The following GRID2 variants were observed in gnomAD, a reference collection of about 807,000 sequenced individuals.
GRID2 encodes the protein glutamate ionotropic receptor delta type subunit 2.
Under a neutral mutation model 114.8 loss-of-function variants are expected in GRID2, and 33 were observed. The observed-to-expected ratio is 0.29, with a 90% confidence interval of 0.22 to 0.38. The LOEUF (loss-of-function observed/expected upper bound fraction) is 0.38. Ranked by LOEUF, GRID2 falls within the 10% of genes least tolerant of loss-of-function variation. The probability of loss-of-function intolerance (pLI) is 1.00; values close to 1 mark genes in which losing one functional copy is unlikely to be tolerated. For missense variants in GRID2, 1,184 were observed against 1,257.7 expected (o/e 0.94, Z 0.89); for synonymous variants, 505 against 449.9 (o/e 1.12, Z -1.55).
chr4:93,655,443 A>G (rs1025252982), intron 14 of GRID2, among the ~76,000 whole-genome samples: 4 of 152,088 alleles, frequency 2.6e-5, no homozygotes, highest in African/African-American at 9.7e-5. Flanking sequence ...TCTCTAACAG[A>G]TCCACTGTTT....
intron 2 of GRID2, among the ~76,000 whole-genome samples, chr4:92,832,340 C>T (rs1742166176): frequency 6.6e-6 from 1 of 151,954 alleles, no homozygotes. Context: ...GTAATCCCAG[C>T]TACTTGGGAG....
intron 1 of GRID2, among the ~76,000 whole-genome samples, chr4:92,431,942 G>A (rs1405880351): frequency 1.3e-5 from 2 of 152,232 alleles, no homozygotes; most frequent in Non-Finnish European, 2.9e-5. Flanking sequence ...CTGTAATTGT[G>A]TCTGCATTGG....
chr4:93,313,546 CT>C (rs1756251941), intron 8 of GRID2, among the ~76,000 whole-genome samples: 1 of 152,184 alleles, frequency 6.6e-6, no homozygotes, highest in South Asian at 2.1e-4. Flanking sequence ...GAAACTTACT[CT>C]TTTATTAACC....
intron 1 of GRID2, among the ~76,000 whole-genome samples, chr4:92,396,890 T>G (rs2110271687): frequency 6.6e-6 from 1 of 152,198 alleles, no homozygotes; most frequent in South Asian, 2.1e-4. Flanking sequence ...ATTTCCTTTT[T>G]ATTTGCTTCT....
At chr4:93,751,972 CTTT>C in intron 14 of GRID2, among the ~76,000 whole-genome samples, 1 of 143,154 alleles carries the variant, frequency 7.0e-6, no homozygotes, top group Middle Eastern at 3.7e-3. Flanking sequence ...CCTGAACATT[CTTT>C]TTTTTTTTTT....
chr4:93,426,916 A>G (rs930405545), intron 10 of GRID2, among the ~76,000 whole-genome samples: 3 of 152,084 alleles, frequency 2.0e-5, no homozygotes, highest in South Asian at 2.1e-4. Context: ...ACTAGGCTTC[A>G]GGAAAACTAT....
At chr4:93,272,142 A>T (rs1751530537) in intron 8 of GRID2, among the ~76,000 whole-genome samples, 1 of 152,180 alleles carries the variant, frequency 6.6e-6, no homozygotes, top group Non-Finnish European at 1.5e-5. Flanking sequence ...TCATTAATTC[A>T]TTCAGTAAAA....
chr4:92,813,252 G>A (rs1364228408), intron 2 of GRID2, among the ~76,000 whole-genome samples: 3 of 152,104 alleles, frequency 2.0e-5, no homozygotes, highest in Non-Finnish European at 1.5e-5. Context: ...AGACATTTAT[G>A]TCTAACAATT....
chr4:92,826,538 C>CA (rs1741712601), intron 2 of GRID2, among the ~76,000 whole-genome samples: 1 of 151,878 alleles, frequency 6.6e-6, no homozygotes, highest in Non-Finnish European at 1.5e-5. Context: ...TGATTTTTGC[C>CA]AGTTTTGTTC....
chr4:93,065,514 G>GCATC (rs1163570427), intron 2 of GRID2, among the ~76,000 whole-genome samples: 1 of 151,790 alleles, frequency 6.6e-6, no homozygotes, highest in Non-Finnish European at 1.5e-5. Flanking sequence ...AGCTCTAAAG[G>GCATC]CATCCCCAGG....
chr4:92,536,399 A>G (rs1725633380), intron 1 of GRID2, among the ~76,000 whole-genome samples: 1 of 152,078 alleles, frequency 6.6e-6, no homozygotes, highest in Non-Finnish European at 1.5e-5. Flanking sequence ...CACCCAACCC[A>G]GAAACCCAGC....
intron 8 of GRID2, among the ~76,000 whole-genome samples, chr4:93,325,154 G>T (rs561834299): frequency 8.5e-5 from 13 of 152,154 alleles, no homozygotes; most frequent in African/African-American, 3.1e-4. Context: ...GTTCTTTCCT[G>T]CTTTCTCTTA....
intron 8 of GRID2, among the ~76,000 whole-genome samples, chr4:93,267,630 A>G (rs1750998493): frequency 6.6e-6 from 1 of 152,108 alleles, no homozygotes; most frequent in Admixed American, 6.6e-5. Flanking sequence ...CACATTCGCC[A>G]CCCGGGTCAA....
intron 2 of GRID2, among the ~76,000 whole-genome samples, chr4:93,017,506 A>C (rs1301711999): frequency 6.6e-6 from 1 of 151,996 alleles, no homozygotes; most frequent in Non-Finnish European, 1.5e-5. Flanking sequence ...CTTTCTCCGT[A>C]CTTCACCTGA....
chr4:93,311,018 G>A (rs1755953900), intron 8 of GRID2, among the ~76,000 whole-genome samples: 1 of 152,156 alleles, frequency 6.6e-6, no homozygotes, highest in Non-Finnish European at 1.5e-5. Context: ...GGAACTCAGA[G>A]GGTTAGTATA....
intron 14 of GRID2, among the ~76,000 whole-genome samples, chr4:93,652,985 A>G (rs1485760574): frequency 1.3e-5 from 2 of 152,052 alleles, no homozygotes; most frequent in Non-Finnish European, 2.9e-5. Flanking sequence ...CTGAGCATGA[A>G]GGGATGCCAC....
chr4:93,097,165 AC>A (rs2149335870), intron 3 of GRID2, among the ~76,000 whole-genome samples: 1 of 152,072 alleles, frequency 6.6e-6, no homozygotes, highest in South Asian at 2.1e-4. Context: ...ACACAAAATA[AC>A]TTTTAGTGGT....
At chr4:93,309,012 C>A (rs1755730298) in intron 8 of GRID2, among the ~76,000 whole-genome samples, 1 of 152,084 alleles carries the variant, frequency 6.6e-6, no homozygotes, top group Non-Finnish European at 1.5e-5. Context: ...TACATAGACA[C>A]CTCCTCTCCC....
At chr4:93,090,475 T>C (rs1730690757) in intron 3 of GRID2, among the ~76,000 whole-genome samples, 1 of 152,150 alleles carries the variant, frequency 6.6e-6, no homozygotes, top group Non-Finnish European at 1.5e-5. Context: ...GAAGCTGACC[T>C]GAATGAATTC....
Sources: allele counts gnomAD v4.1 joint callset (sites outside exome capture counted in the v4.1 genomes callset), GRCh38; gene constraint gnomAD v4.1.1; transcripts MANE v1.5; gene names NCBI Gene and HGNC (gene_info 2026-07-23, HGNC 2026-07-21).